The following APTX variants were observed in gnomAD, a reference collection of about 807,000 sequenced individuals.
APTX encodes aprataxin.
A neutral mutation model predicts 42.3 loss-of-function variants in APTX; 33 were observed. The ratio of observed to expected loss-of-function variants is 0.78; its 90% CI spans 0.59 to 1.04. The LOEUF (loss-of-function observed/expected upper bound fraction) is 1.04, where lower values mean the gene tolerates loss of function less well. Among genes scored for constraint, APTX ranks in the 50% least tolerant of loss-of-function variants. APTX has a pLI of 0.00. For missense variants in APTX, 421 were observed against 415.1 expected (o/e 1.01, Z -0.12); for synonymous variants, 130 against 146.7 (o/e 0.89, Z 0.82).
chr9:33,002,243 T>C (rs1563995305), upstream of APTX, among the ~76,000 whole-genome samples: 1 of 152,014 alleles, frequency 6.6e-6, no homozygotes, highest in Non-Finnish European at 1.5e-5. Flanking sequence ...GAAGGAACAA[T>C]CCCTATCTCG....
At chr9:32,978,709 C>T (rs754874699) in intron 6 of APTX, among the ~76,000 whole-genome samples, 3 of 152,116 alleles carry the variant, frequency 2.0e-5, no homozygotes, top group Non-Finnish European at 4.4e-5. Context: ...TCACCTGTCC[C>T]ATAAACATTT....
At position 32,972,930 on chromosome 9, in the gene APTX, G is replaced by A. The variant is rs931949925; in HGVS notation, c.*568C>T. 5 of 454,004 alleles carry A rather than the reference G, an allele frequency of 1.1e-5. No homozygotes were observed. The highest frequency in any genetic ancestry group is 8.0e-5 in the African/African-American group (4 of 49,992). 28.1% of individuals were successfully genotyped at this position (454,004 alleles called of 1,614,324 possible). On this transcript the variant is annotated 3_prime_UTR_variant, in exon 8 of 8. Coordinates refer to ENST00000379817, the MANE Select transcript of APTX (RefSeq NM_001195248.2). ...TCTTTTCTCACTGTGAAGAACTGATGAGACAGAATTCCTGAGAAGGGAACA... is the reference window on the plus strand; with the variant it reads ...TCTTTTCTCACTGTGAAGAACTGATAAGACAGAATTCCTGAGAAGGGAACA...
At chr9:33,017,234 T>C (rs1837964987) in intron 1 of APTX, among the ~76,000 whole-genome samples, 1 of 152,246 alleles carries the variant, frequency 6.6e-6, no homozygotes, top group Admixed American at 6.5e-5. Flanking sequence ...CAATAGCAAG[T>C]CCAGGGTCTC....
At chr9:33,019,629 C>G (rs951755448) in intron 1 of APTX, 2 of 396,428 alleles carry the variant, frequency 5.0e-6, no homozygotes, top group South Asian at 2.0e-4. Flanking sequence ...GAATTCCCTG[C>G]CCTAGGGAGG....
At chr9:32,992,863 C>A (rs751075215) in intron 1 of APTX, among the ~76,000 whole-genome samples, 1 of 152,164 alleles carries the variant, frequency 6.6e-6, no homozygotes, top group Non-Finnish European at 1.5e-5. Context: ...CACGAAGAGT[C>A]AGCTATAAAT....
chr9:33,001,415 CA>C (rs975272564), intron 1 of APTX, 151 bp downstream of exon 1: 1 of 1,538,524 alleles, frequency 6.5e-7, no homozygotes, highest in African/African-American at 1.4e-5. Context: ...AAGGTAGTAA[CA>C]GGGGAGGACG....
chr9:32,982,164 A>T (rs750013554), intron 6 of APTX, among the ~76,000 whole-genome samples: 10 of 152,186 alleles, frequency 6.6e-5, no homozygotes, highest in Non-Finnish European at 1.5e-4. Context: ...AAAAAAATGC[A>T]TAACGTCAAC....
At chr9:33,016,611 T>C (rs560234680) in intron 1 of APTX, among the ~76,000 whole-genome samples, 5 of 152,270 alleles carry the variant, frequency 3.3e-5, no homozygotes, top group African/African-American at 4.8e-5. Context: ...ATTTTGTCTC[T>C]GTATTGAGGA....
Position 32,987,791 on chromosome 9 carries a change from A to G in APTX, c.236T>C (p.Val79Ala), listed in dbSNP as rs780400389. ...DSVVIGKDQE[V>A]KLQPGQVLHM... ...GAGAACCTGGCCAGGCTGCAGCTTC[A>G]CCTCTTGGTCCTTCCCAATTACGAC... Residue 79 changes from valine (V) to alanine (A), a missense_variant, in exon 4 of 8, where the codon GTG becomes GCG. Val to Ala is a moderately conservative substitution (Grantham distance 64). Transcript: ENST00000379817. 2.5e-6 allele frequency: 4 copies of G among 1,613,996 alleles called. No homozygotes were observed. In the South Asian group the frequency reaches 3.3e-5, roughly 13 times the overall value.
chr9:33,019,690 C>T, intron 1 of APTX: 1 of 492,722 alleles, frequency 2.0e-6, no homozygotes, highest in Non-Finnish European at 3.6e-6. Context: ...GCCCCATTTT[C>T]CCAGGCCAGG....
intron 7 of APTX, 59 bp from the exon 8 acceptor site, chr9:32,973,711 CAAAAA>C (rs34659850): frequency 9.6e-5 from 128 of 1,330,872 alleles, no homozygotes; most frequent in Middle Eastern, 4.4e-4. Flanking sequence ...TATGAGATAC[CAAAAA>C]AAAAAAAAAA....
upstream of APTX, among the ~76,000 whole-genome samples, chr9:33,004,806 TA>T (rs1301717602): frequency 3.0e-4 from 36 of 118,970 alleles, no homozygotes; most frequent in African/African-American, 1.0e-3. Context: ...GTAATTTTTG[TA>T]TTTTTTTTTT....
At chr9:32,977,843 G>GAA (rs796569258) in intron 6 of APTX, among the ~76,000 whole-genome samples, 4 of 142,078 alleles carry the variant, frequency 2.8e-5, no homozygotes, top group African/African-American at 7.7e-5. Context: ...AAAAGAAAAA[G>GAA]AAAAAAAAAA....
rs1554664711 is a variant in APTX at position 32,986,032 on chromosome 9, T to TAAAAAAAAACAAA, written c.484-3_484-2insTTTGTTTTTTTTT. The TAAAAAAAAACAAA allele has an allele frequency of 8.4e-4, 616 of 732,858 alleles. 7 individuals carry two copies. Among genetic ancestry groups the TAAAAAAAAACAAA allele is most frequent in the East Asian group, 3.6e-3 (89 of 24,888 alleles). 45.4% of individuals were successfully genotyped at this position (732,858 alleles called of 1,614,324 possible). ...TTGACTCCAGTGGCCCAGGGATTCC[T>TAAAAAAAAACAAA]AAAAAAAAAACAAAAAAAAAAACAA... On this transcript the variant is annotated splice_polypyrimidine_tract_variant and splice_region_variant and intron_variant, in intron 4 of 7. Transcript: ENST00000379817.
chr9:33,013,605 G>A (rs1335627069), intron 1 of APTX, among the ~76,000 whole-genome samples: 2 of 152,114 alleles, frequency 1.3e-5, no homozygotes, highest in Non-Finnish European at 2.9e-5. Context: ...AGGAGATCGA[G>A]ACCATCCTGG....
At position 32,988,083 on chromosome 9, in the gene APTX, C is replaced by G. The variant is rs1416915450; in HGVS notation, c.180G>C (p.Gln60His). 1 of 1,613,926 alleles carries G rather than the reference C, an allele frequency of 6.2e-7. No individual in the cohort carries two copies. The highest frequency in any genetic ancestry group is 8.5e-7 in the Non-Finnish European group (1 of 1,179,816). The stretch of plus-strand genomic sequence containing the variant: ...AATTCCAAGTTATAAATACACCTAC[C>G]TGCTTTACCTTGACATATCCCTTGT... ...ECNKGYVKVKQVGVNPTSIDS... is the reference protein window; with the variant it reads ...ECNKGYVKVKHVGVNPTSIDS... The change falls in exon 3 of 8, where the codon CAG becomes CAC. Residue 60 changes from glutamine (Q) to histidine (H), a missense_variant and splice_region_variant. Physicochemically the swap from Gln to His is conservative, Grantham distance 24. Coordinates refer to ENST00000379817, the MANE Select transcript of APTX (RefSeq NM_001195248.2).
At chr9:32,989,189 T>C (rs1210942970) in intron 2 of APTX, among the ~76,000 whole-genome samples, 2 of 152,172 alleles carry the variant, frequency 1.3e-5, no homozygotes, top group Non-Finnish European at 2.9e-5. Flanking sequence ...GTGCTGCAGA[T>C]GCCAACTCTC....
At chr9:32,985,756 G>C (rs1456927572) in intron 5 of APTX, among the ~76,000 whole-genome samples, 1 of 152,044 alleles carries the variant, frequency 6.6e-6, no homozygotes, top group Non-Finnish European at 1.5e-5. Flanking sequence ...AAGGCAGAGG[G>C]GATATTCATT....
chr9:33,011,172 T>A (rs2119229780), intron 1 of APTX, among the ~76,000 whole-genome samples: 1 of 151,742 alleles, frequency 6.6e-6, no homozygotes, highest in South Asian at 2.1e-4. Context: ...GTGGTGAGGA[T>A]GTCTTGGTAG....
Sources: gnomAD v4.1 joint callset for allele counts (sites outside exome capture counted in the v4.1 genomes callset) on GRCh38, gnomAD v4.1.1 for gene constraint, MANE v1.5 for transcripts, NCBI Gene and HGNC (gene_info 2026-07-23, HGNC 2026-07-21) for gene names.